RELN: variants seen among roughly 807,000 people sequenced by gnomAD.
RELN encodes the protein reelin.
Under a neutral mutation model 427.6 loss-of-function variants are expected in RELN, and 108 were observed. The ratio of observed to expected loss-of-function variants is 0.25; its 90% confidence interval spans 0.22 to 0.30. The LOEUF (loss-of-function observed/expected upper bound fraction) is 0.30, where lower values mean the gene tolerates loss of function less well. Ranked by LOEUF, RELN falls within the 10% of genes least tolerant of loss-of-function variation. The pLI, the probability that RELN is intolerant of heterozygous loss-of-function variation, is 1.00. For missense variants in RELN, 3,715 were observed against 4,302.8 expected, an observed-to-expected ratio of 0.86 and a Z score of 3.82; for synonymous variants, 1,524 against 1,513.4, an observed-to-expected ratio of 1.01 and a Z score of -0.16.
At chr7:103,666,709 T>A (rs1833275467) in intron 11 of RELN, among the ~76,000 whole-genome samples, 1 of 152,192 alleles carries the variant, frequency 6.6e-6, no homozygotes, top group Non-Finnish European at 1.5e-5. Flanking sequence ...TGGTCCTGAA[T>A]TTCTTTTTAC....
At chr7:103,534,540 T>C (rs1830008777) in intron 46 of RELN, among the ~76,000 whole-genome samples, 1 of 152,062 alleles carries the variant, frequency 6.6e-6, no homozygotes, top group Admixed American at 6.6e-5. Flanking sequence ...CAAGCTGGAG[T>C]GCAGTGGCAT....
At chr7:103,722,340 T>C (rs1240249987) in intron 8 of RELN, among the ~76,000 whole-genome samples, 1 of 152,084 alleles carries the variant, frequency 6.6e-6, no homozygotes, top group African/African-American at 2.4e-5. Flanking sequence ...TTCTAAGATA[T>C]GGAAGCGACT....
chr7:103,575,865 T>TTC (rs911368759), intron 28 of RELN, among the ~76,000 whole-genome samples, 160 bp from the exon 29 acceptor site: 4 of 151,940 alleles, frequency 2.6e-5, no homozygotes, highest in Non-Finnish European at 5.9e-5. Context: ...TCTCAGACCT[T>TTC]TCTCTCTCTC....
chr7:103,582,866 G>A (rs1831185671), intron 28 of RELN, among the ~76,000 whole-genome samples: 1 of 152,148 alleles, frequency 6.6e-6, no homozygotes, highest in Non-Finnish European at 1.5e-5. Context: ...AATCTCTATG[G>A]TTTAACCTAG....
At chr7:103,704,460 T>C (rs981716188) in intron 8 of RELN, among the ~76,000 whole-genome samples, 1 of 152,140 alleles carries the variant, frequency 6.6e-6, no homozygotes, top group Admixed American at 6.5e-5. Context: ...ACACGTACCA[T>C]CCTGCCAGTG....
chr7:103,862,035 A>C (rs1361324541), intron 2 of RELN, among the ~76,000 whole-genome samples: 1 of 152,174 alleles, frequency 6.6e-6, no homozygotes, highest in Non-Finnish European at 1.5e-5. Flanking sequence ...AGGGCTTATG[A>C]ATGAATTTGG....
At chr7:103,952,411 G>A (rs2116766956) in intron 1 of RELN, among the ~76,000 whole-genome samples, 1 of 152,218 alleles carries the variant, frequency 6.6e-6, no homozygotes. Context: ...ATTCTAATAT[G>A]CTATATTTTA....
chr7:103,673,921 C>CCTA (rs56197313), intron 11 of RELN, among the ~76,000 whole-genome samples: 2 of 151,822 alleles, frequency 1.3e-5, no homozygotes, highest in Non-Finnish European at 2.9e-5. Context: ...TTCTCCTCCT[C>CCTA]TTCCCTGCCC....
chr7:103,670,161 G>A (rs181150913), intron 11 of RELN, among the ~76,000 whole-genome samples: 1 of 152,012 alleles, frequency 6.6e-6, no homozygotes, highest in Non-Finnish European at 1.5e-5. Context: ...TTTGTAACTA[G>A]GATTAATTAT....
intron 3 of RELN, among the ~76,000 whole-genome samples, chr7:103,823,086 C>A (rs1053731788): frequency 6.6e-6 from 1 of 151,922 alleles, no homozygotes; most frequent in African/African-American, 2.4e-5. Context: ...TTATTTTGTT[C>A]TTAGGTAATT....
chr7:103,748,097 G>A (rs554207536), intron 6 of RELN, among the ~76,000 whole-genome samples: 18 of 146,858 alleles, frequency 1.2e-4, no homozygotes, highest in African/African-American at 4.2e-4. Context: ...CAAAATGTCT[G>A]AAGGAAAAAA....
At chr7:103,801,941 A>G (rs1792479245) in intron 3 of RELN, among the ~76,000 whole-genome samples, 1 of 152,212 alleles carries the variant, frequency 6.6e-6, no homozygotes, top group Admixed American at 6.5e-5. Context: ...AAGTTCTGTG[A>G]GGGCAGGGAC....
intron 16 of RELN, among the ~76,000 whole-genome samples, chr7:103,646,112 A>G (rs1486557404): frequency 4.0e-5 from 6 of 151,758 alleles, no homozygotes; most frequent in Non-Finnish European, 8.9e-5. Context: ...CAAAACTTCT[A>G]AGATATAGCA....
chr7:103,908,860 T>C lies in RELN; in HGVS notation c.337+8215A>G, dbSNP rs116796569. 9.5e-3 allele frequency among the ~76,000 whole-genome samples: 1,379 copies of C among 144,560 alleles called. 18 individuals carry two copies. The highest frequency in any genetic ancestry group is 0.034 in the African/African-American group (1,280 of 37,328). The allele number at this position is 144,560 out of a possible 152,430, so 94.8% of individuals were successfully genotyped here. A position where few individuals can be genotyped will look rare whatever the true frequency, so the allele number is the denominator to read the frequency against. On this transcript the variant is annotated intron_variant, in intron 2 of 64. Coordinates refer to ENST00000428762, the MANE Select transcript of RELN (RefSeq NM_005045.4). ...AATGGCAATTTCATCTCTTGTCAGC[T>C]CTGCTCTTTGTACATTGGCTGGAGT...
In RELN at chr7:103,731,267, T is replaced by C. The variant is rs577583619; in HGVS notation, c.657-3060A>G. On this transcript the variant is annotated intron_variant, in intron 6 of 64. Coordinates refer to ENST00000428762, the MANE Select transcript of RELN (RefSeq NM_005045.4). ...GCAAGGAAGAAAGATGAGTGTGTGA[T>C]AGGGCACATACAATGCAGAAATTAT... Among the ~76,000 whole-genome samples, 7 of 152,182 alleles carry C rather than the reference T, an allele frequency of 4.6e-5. No homozygotes were observed. The East Asian group carries it at 5.8e-4, about 13-fold the overall frequency.
chr7:103,846,622 T>C (rs953465793), intron 2 of RELN, among the ~76,000 whole-genome samples: 2 of 152,122 alleles, frequency 1.3e-5, no homozygotes, highest in African/African-American at 2.4e-5. Context: ...AAAGAAACTA[T>C]CATCAGAGTG....
At chr7:103,524,087 A>G (rs925460042) in intron 46 of RELN, among the ~76,000 whole-genome samples, 6 of 152,180 alleles carry the variant, frequency 3.9e-5, no homozygotes, top group Non-Finnish European at 8.8e-5. Context: ...TGAGCCTTGT[A>G]AAAAACAGAC....
intron 8 of RELN, among the ~76,000 whole-genome samples, chr7:103,709,691 C>T (rs1584425300): frequency 6.6e-6 from 1 of 152,104 alleles, no homozygotes; most frequent in Non-Finnish European, 1.5e-5. Context: ...CCCATTTATA[C>T]CAACAGTAAA....
chr7:103,930,628 C>A (rs1255171753), intron 1 of RELN, among the ~76,000 whole-genome samples: 1 of 151,972 alleles, frequency 6.6e-6, no homozygotes, highest in Non-Finnish European at 1.5e-5. Context: ...CCATGCCCAG[C>A]TAATTTTTAA....
Sources: gnomAD v4.1 joint callset for allele counts (sites outside exome capture counted in the v4.1 genomes callset) on GRCh38, gnomAD v4.1.1 for gene constraint, MANE v1.5 for transcripts, NCBI Gene and HGNC (gene_info 2026-07-23, HGNC 2026-07-21) for gene names.